Variants in CEP76 observed in about 807,000 individuals in gnomAD.
The protein encoded by CEP76 is centrosomal protein 76, also known as centrosomal protein of 76 kDa.
Under a neutral mutation model 83.3 loss-of-function variants are expected in CEP76, and 55 were observed. The observed-to-expected ratio is 0.66, with a 90% CI of 0.53 to 0.83. The LOEUF (loss-of-function observed/expected upper bound fraction) is 0.83, where lower values mean the gene tolerates loss of function less well. CEP76 is among the 40% of genes least tolerant of loss of function. The pLI is 0.00. For synonymous variants in CEP76, 270 were observed against 274.5 expected, an observed-to-expected ratio of 0.98 and a Z score of 0.16; for missense variants, 694 against 799.5, an observed-to-expected ratio of 0.87 and a Z score of 1.59.
In CEP76 at chr18:12,678,139, C is replaced by G; in HGVS notation, c.1593G>C (p.Gln531His). ...ASVTSNEIEM[Q>H]LRLLVSEHRK... ...TGTGTTCTGACACCAGGAGCCTCAG[C>G]TGCATTTCAATTTCATTACTTGTTA... The change falls in exon 10 of 12, where the codon CAG (glutamine) becomes CAC (histidine). Residue 531 changes from glutamine to histidine, a missense_variant. Gln to His is a conservative substitution (Grantham distance 24). Coordinates refer to ENST00000262127, the MANE Select transcript of CEP76 (RefSeq NM_024899.4). 6.2e-7 allele frequency: 1 copy of G among 1,613,386 alleles called. No homozygotes were observed. The highest frequency in any genetic ancestry group is 8.5e-7 in the Non-Finnish European group (1 of 1,179,332).
chr18:12,699,106 T>G lies in CEP76; in HGVS notation c.393A>C (p.Gln131His). 6.2e-7 allele frequency: 1 copy of G among 1,614,116 alleles called. No individual in the cohort carries two copies. Among genetic ancestry groups the G allele is most frequent in the Non-Finnish European group, 8.5e-7 (1 of 1,179,996 alleles). ...AACATAAAGTAAACGTTGAACAAAC[T>G]TGTCCAGGTAAAGGCTCAGGTTCTT... ...HLQEPEPLPGQVCSTFTLCLH... is the reference protein window; with the variant it reads ...HLQEPEPLPGHVCSTFTLCLH... Residue 131 changes from glutamine to histidine, a missense_variant, in exon 4 of 12, where the codon CAA becomes CAC. Physicochemically the swap from Gln to His is conservative, Grantham distance 24 (BLOSUM62 0). Coordinates refer to ENST00000262127, the MANE Select transcript of CEP76 (RefSeq NM_024899.4).
At chr18:12,699,782 C>G in intron 3 of CEP76, 48 bp downstream of exon 3, 1 of 1,058,282 alleles carries the variant, frequency 9.4e-7, no homozygotes, top group Non-Finnish European at 1.4e-6. Context: ...TACACCACAT[C>G]AATATTTACT....
intron 8 of CEP76, among the ~76,000 whole-genome samples, chr18:12,682,766 C>T (rs1267667274): frequency 1.3e-5 from 2 of 151,892 alleles, no homozygotes; most frequent in African/African-American, 2.4e-5. Flanking sequence ...GGACTACAGG[C>T]GTGCACCACC....
chr18:12,687,522 C>T (rs1003403165), intron 7 of CEP76, among the ~76,000 whole-genome samples: 5 of 140,918 alleles, frequency 3.5e-5, no homozygotes, highest in Admixed American at 7.7e-5. Context: ...AGTGTGATTT[C>T]GGCTCGCTGC....
intron 11 of CEP76, among the ~76,000 whole-genome samples, chr18:12,673,964 T>C (rs1035053288): frequency 6.6e-6 from 1 of 152,230 alleles, no homozygotes; most frequent in Non-Finnish European, 1.5e-5. Flanking sequence ...ATTCAAATTA[T>C]AGACTATTTC....
chr18:12,693,794 A>C (rs539987527), intron 6 of CEP76, among the ~76,000 whole-genome samples: 11 of 152,170 alleles, frequency 7.2e-5, no homozygotes, highest in African/African-American at 2.4e-4. Context: ...AAAAACAAAC[A>C]AAAAAACCCC....
At chr18:12,702,296 C>A (rs1372197195) in intron 1 of CEP76, 190 bp downstream of exon 1, 6 of 552,278 alleles carry the variant, frequency 1.1e-5, no homozygotes, top group Non-Finnish European at 1.9e-5. Flanking sequence ...CTGCTCGGCT[C>A]GTTTTCTTTC....
chr18:12,687,770 T>C (rs2039595562), intron 7 of CEP76, among the ~76,000 whole-genome samples: 1 of 151,880 alleles, frequency 6.6e-6, no homozygotes, highest in Non-Finnish European at 1.5e-5. Flanking sequence ...CACCGATTTT[T>C]AAAACAGAGG....
At chr18:12,668,250 C>T (rs1218310753), downstream of CEP76, among the ~76,000 whole-genome samples, 12 of 143,184 alleles carry the variant, frequency 8.4e-5, no homozygotes, top group Admixed American at 6.9e-4. Flanking sequence ...GGGCAACAGA[C>T]TGAGACTCCA....
rs1469562891 is a variant in CEP76, at chr18:12,691,440, A to AAGAAATAAT, written c.843_851dup (p.Leu282_Leu284dup). ...CTCTCCACCACTGCTTAGCATATAC[A>AAGAAATAAT]AGAAATAATCGCTCTTTCTCTGCAG... is the stretch of plus-strand genomic sequence containing the variant. On this transcript the variant is annotated inframe_insertion, in exon 7 of 12. Coordinates refer to ENST00000262127, the MANE Select transcript of CEP76 (RefSeq NM_024899.4). The AAGAAATAAT allele has an allele frequency of 1.2e-6, 2 of 1,609,082 alleles. No individual in the cohort carries two copies. The highest frequency in any genetic ancestry group is 1.7e-6 in the Non-Finnish European group (2 of 1,177,308).
exon 13 of CEP76, chr18:12,662,128 C>T: frequency 2.2e-6 from 1 of 449,380 alleles, no homozygotes; most frequent in Non-Finnish European, 4.4e-6. Context: ...CCAAGCTTTT[C>T]CCAGACACTT....
At chr18:12,671,131 A>AGG (rs71872268), downstream of CEP76, 2 of 149,808 alleles carry the variant, frequency 1.3e-5, no homozygotes, top group East Asian at 2.0e-4. Flanking sequence ...TTAGAGAAAT[A>AGG]GGGGGGGGTC....
chr18:12,701,095 T>C lies in CEP76; in HGVS notation c.82A>G (p.Ile28Val), dbSNP rs1214780685. ...ATAGTCTCAGCAAGGATTTCTCTTA[T>C]TCTACCATGGACATCCATCTATGTA... Reference protein sequence around the residue: ...QLSKMDVHGRIREILAETIRE... With the variant: ...QLSKMDVHGRVREILAETIRE... Residue 28 changes from isoleucine to valine, a missense_variant, in exon 2 of 12, where the codon ATA becomes GTA. Transcript: ENST00000262127. 1 of 1,612,894 alleles carries C rather than the reference T, an allele frequency of 6.2e-7. No individual in the cohort carries two copies. The highest frequency in any genetic ancestry group is 2.2e-5 in the East Asian group (1 of 44,874).
intron 12 of CEP76, among the ~76,000 whole-genome samples, chr18:12,662,803 C>T (rs565628106): frequency 1.3e-4 from 19 of 151,710 alleles, no homozygotes; most frequent in African/African-American, 2.4e-4. Context: ...TTTTTTTTGA[C>T]GAAAAGTAGA....
intron 2 of CEP76, 54 bp from the exon 3 acceptor site, chr18:12,699,959 A>C (rs955739736): frequency 8.2e-7 from 1 of 1,212,686 alleles, no homozygotes; most frequent in African/African-American, 1.5e-5. Flanking sequence ...TTATAGGTTA[A>C]GGAAATGTCA....
downstream of CEP76, chr18:12,671,226 G>C (rs975458999): frequency 6.6e-6 from 1 of 152,040 alleles, no homozygotes; most frequent in African/African-American, 2.4e-5. Context: ...TTATAGGTGT[G>C]AGCCATCACA....
intron 8 of CEP76, among the ~76,000 whole-genome samples, chr18:12,682,978 A>C (rs1364141764): frequency 6.6e-6 from 1 of 152,082 alleles, no homozygotes; most frequent in Non-Finnish European, 1.5e-5. Flanking sequence ...AAAATTCAGA[A>C]GTAAAATAAA....
chr18:12,675,416 A>T (rs939144668), intron 10 of CEP76, among the ~76,000 whole-genome samples: 17 of 151,882 alleles, frequency 1.1e-4, no homozygotes, highest in Admixed American at 8.5e-4. Flanking sequence ...AATAAATAAA[A>T]TAAATAAAAA....
At chr18:12,669,546 T>C (rs1355617341), downstream of CEP76, among the ~76,000 whole-genome samples, 1 of 152,122 alleles carries the variant, frequency 6.6e-6, no homozygotes, top group African/African-American at 2.4e-5. Flanking sequence ...ATTAACTAAA[T>C]AGACATATAT....
Sources: allele counts gnomAD v4.1 joint callset (sites outside exome capture counted in the v4.1 genomes callset), GRCh38; gene constraint gnomAD v4.1.1; transcripts MANE v1.5; gene names NCBI Gene and HGNC (gene_info 2026-07-23, HGNC 2026-07-21).